ZBTB7C: variants seen among roughly 807,000 people sequenced by gnomAD.
The protein encoded by ZBTB7C is zinc finger and BTB domain-containing protein 7C.
ZBTB7C carries 8 observed loss-of-function variants against 25.7 expected under a neutral mutation model. That is an observed-to-expected ratio of 0.31 (90% CI 0.18 to 0.56). The LOEUF (loss-of-function observed/expected upper bound fraction) is 0.56, where lower values mean the gene tolerates loss of function less well. Ranked by LOEUF, ZBTB7C falls within the 20% of genes least tolerant of loss-of-function variation. The pLI is 0.91. For synonymous variants in ZBTB7C, 394 were observed against 369.0 expected, an observed-to-expected ratio of 1.07 and a Z score of -0.78; for missense variants, 824 against 855.2, an observed-to-expected ratio of 0.96 and a Z score of 0.46.
chr18:48,175,710 G>A (rs1485643334), intron 3 of ZBTB7C, among the ~76,000 whole-genome samples: 1 of 152,132 alleles, frequency 6.6e-6, no homozygotes, highest in Non-Finnish European at 1.5e-5. Context: ...TGCAGGGTAG[G>A]TGCAAGATAA....
chr18:48,092,465 G>A (rs540022472), intron 3 of ZBTB7C, among the ~76,000 whole-genome samples: 3 of 152,224 alleles, frequency 2.0e-5, no homozygotes, highest in Non-Finnish European at 4.4e-5. Context: ...TTTTCATGCA[G>A]ACTAAATTGA....
At chr18:48,082,291 C>T (rs2038020684) in intron 3 of ZBTB7C, among the ~76,000 whole-genome samples, 1 of 152,244 alleles carries the variant, frequency 6.6e-6, no homozygotes, top group Non-Finnish European at 1.5e-5. Context: ...TCTGAGCCAT[C>T]ATTTTTCTCT....
At chr18:48,087,071 T>C (rs1018413218) in intron 3 of ZBTB7C, among the ~76,000 whole-genome samples, 5 of 152,240 alleles carry the variant, frequency 3.3e-5, no homozygotes, top group Admixed American at 2.6e-4. Flanking sequence ...TGTGAGGTGA[T>C]CTGCCCAGGA....
intron 2 of ZBTB7C, among the ~76,000 whole-genome samples, chr18:48,247,869 G>A (rs1159892816): frequency 6.6e-6 from 1 of 152,300 alleles, no homozygotes; most frequent in Admixed American, 6.5e-5. Flanking sequence ...GCGAAGAGGT[G>A]CTGATATGTT....
At chr18:48,092,283 GC>G (rs974588170) in intron 3 of ZBTB7C, among the ~76,000 whole-genome samples, 17 of 152,238 alleles carry the variant, frequency 1.1e-4, no homozygotes, top group Admixed American at 1.0e-3. Flanking sequence ...TACCAGCCTT[GC>G]CCTGGTATGC....
At chr18:48,187,486 T>C (rs577540725) in intron 2 of ZBTB7C, among the ~76,000 whole-genome samples, 29 of 152,112 alleles carry the variant, frequency 1.9e-4, no homozygotes, top group Non-Finnish European at 3.8e-4. Flanking sequence ...ATTCCACTTA[T>C]ATGAGGTACC....
chr18:48,066,426 CTA>C (rs1374972719), intron 3 of ZBTB7C, among the ~76,000 whole-genome samples: 1 of 152,228 alleles, frequency 6.6e-6, no homozygotes, highest in East Asian at 1.9e-4. Context: ...AAAGCAAAAT[CTA>C]TTTCACAAGC....
At position 48,270,356 on chromosome 18, in the gene ZBTB7C, C is replaced by T. The variant is rs150367807; in HGVS notation, c.-79+67818G>A. 4.5e-3 allele frequency among the ~76,000 whole-genome samples: 673 copies of T among 149,676 alleles called. 2 individuals carry two copies. Among genetic ancestry groups the T allele is most frequent in the African/African-American group, 0.016 (636 of 40,818 alleles). ...CACTGCAACCTCTGCCTCAGCCTCCCGAGTAGCTGGGACTAAAGGCGTGTG... is the reference window on the plus strand; with the variant it reads ...CACTGCAACCTCTGCCTCAGCCTCCTGAGTAGCTGGGACTAAAGGCGTGTG... On this transcript the variant is annotated intron_variant, in intron 2 of 4. Coordinates refer to ENST00000590800, the MANE Select transcript of ZBTB7C (RefSeq NM_001318841.2).
intron 2 of ZBTB7C, among the ~76,000 whole-genome samples, chr18:48,211,441 T>G (rs770080149): frequency 2.6e-5 from 4 of 152,112 alleles, no homozygotes; most frequent in Non-Finnish European, 4.4e-5. Flanking sequence ...GCAATAAATC[T>G]GATAAAGAAC....
Position 48,167,595 on chromosome 18 carries a change from TGTGCGCGC to T in ZBTB7C, c.-17+18331_-17+18338del, listed in dbSNP as rs1224862155. Among the ~76,000 whole-genome samples, 3 of 150,302 alleles carry T rather than the reference TGTGCGCGC, an allele frequency of 2.0e-5. No individual in the cohort carries two copies. In the East Asian group the frequency reaches 5.8e-4, roughly 29 times the overall value. On this transcript the variant is annotated intron_variant, in intron 3 of 4. Transcript: ENST00000590800. ...GTGTGTGTGTGTGTGTGTGTGTGTG[TGTGCGCGC>T]GTGCACACGCGCATGCGCCAGTAGA... is the stretch of plus-strand genomic sequence containing the variant.
chr18:48,042,513 T>C (rs530962710), intron 3 of ZBTB7C, among the ~76,000 whole-genome samples: 2 of 152,330 alleles, frequency 1.3e-5, no homozygotes, highest in African/African-American at 4.8e-5. Flanking sequence ...ATTTATCTTC[T>C]GGATGTTTCT....
intron 3 of ZBTB7C, among the ~76,000 whole-genome samples, chr18:48,174,713 G>A (rs1247744464): frequency 6.6e-6 from 1 of 152,178 alleles, no homozygotes; most frequent in African/African-American, 2.4e-5. Flanking sequence ...AAAAGAGTGA[G>A]GAAGACCTCT....
intron 3 of ZBTB7C, chr18:48,185,569 C>T: frequency 4.4e-6 from 1 of 229,066 alleles, no homozygotes. Context: ...AATAGGGGGT[C>T]AACCTAGCAG....
chr18:48,266,166 A>G (rs534027328), intron 2 of ZBTB7C, among the ~76,000 whole-genome samples: 1 of 152,126 alleles, frequency 6.6e-6, no homozygotes, highest in East Asian at 1.9e-4. Context: ...ATAATTTTAA[A>G]GTGAAATAAA....
intron 3 of ZBTB7C, among the ~76,000 whole-genome samples, chr18:48,087,358 G>C (rs1436256221): frequency 6.6e-6 from 1 of 152,222 alleles, no homozygotes; most frequent in Admixed American, 6.5e-5. Context: ...ATTCCTGCTG[G>C]CTAGGGCCAG....
intron 3 of ZBTB7C, chr18:48,150,533 G>A (rs934027404): frequency 1.4e-5 from 2 of 143,992 alleles, no homozygotes; most frequent in African/African-American, 2.6e-5. Context: ...AGTGAGCCGA[G>A]ATTGTGCCAC....
chr18:48,139,946 GCC>G (rs1472836516), intron 3 of ZBTB7C, among the ~76,000 whole-genome samples: 1 of 152,004 alleles, frequency 6.6e-6, no homozygotes, highest in Non-Finnish European at 1.5e-5. Context: ...GCCCTTCTCA[GCC>G]CCCACCTCTG....
At chr18:48,285,893 T>C (rs1278761217) in intron 2 of ZBTB7C, among the ~76,000 whole-genome samples, 2 of 152,226 alleles carry the variant, frequency 1.3e-5, no homozygotes, top group East Asian at 3.8e-4. Flanking sequence ...TTGTGAATTC[T>C]CTGGGCTGAT....
intron 3 of ZBTB7C, among the ~76,000 whole-genome samples, chr18:48,151,226 T>C (rs1182554004): frequency 6.6e-6 from 1 of 152,154 alleles, no homozygotes; most frequent in Non-Finnish European, 1.5e-5. Flanking sequence ...TTCCTTTTAA[T>C]AGCTGCATAA....
Sources: allele counts gnomAD v4.1 joint callset (sites outside exome capture counted in the v4.1 genomes callset), GRCh38; gene constraint gnomAD v4.1.1; transcripts MANE v1.5; gene names NCBI Gene and HGNC (gene_info 2026-07-23, HGNC 2026-07-21).